The following FNBP1L variants were observed in gnomAD, a reference collection of about 807,000 sequenced individuals.
FNBP1L encodes formin binding protein 1 like.
Under a neutral mutation model 91.2 loss-of-function variants are expected in FNBP1L, and 36 were observed. That is an observed-to-expected ratio of 0.39 (90% CI 0.30 to 0.52). The LOEUF (loss-of-function observed/expected upper bound fraction) is 0.52, where lower values mean the gene tolerates loss of function less well. Ranked by LOEUF, FNBP1L falls within the 20% of genes least tolerant of loss-of-function variation. FNBP1L has a pLI of 0.66. For missense variants in FNBP1L, 571 were observed against 732.1 expected, an observed-to-expected ratio of 0.78 and a Z score of 2.54; for synonymous variants, 242 against 237.0, an observed-to-expected ratio of 1.02 and a Z score of -0.19.
chr1:93,498,427 TAATC>T (rs1670337741), intron 1 of FNBP1L, among the ~76,000 whole-genome samples: 1 of 152,210 alleles, frequency 6.6e-6, no homozygotes, highest in Admixed American at 6.5e-5. Context: ...AACCAGATGA[TAATC>T]AGAAAGTTTC....
intron 1 of FNBP1L, among the ~76,000 whole-genome samples, chr1:93,482,727 C>A (rs574497008): frequency 2.0e-5 from 3 of 152,024 alleles, no homozygotes; most frequent in African/African-American, 7.2e-5. Flanking sequence ...ACCCCTCTCT[C>A]TACAAAAAAT....
At chr1:93,449,252 G>T (rs1024959826) in intron 1 of FNBP1L, among the ~76,000 whole-genome samples, 17 of 152,076 alleles carry the variant, frequency 1.1e-4, no homozygotes, top group African/African-American at 4.1e-4. Context: ...GAAGGGTCGA[G>T]GTGTGGAGGG....
At chr1:93,513,542 C>T (rs1369152811) in intron 2 of FNBP1L, among the ~76,000 whole-genome samples, 2 of 150,808 alleles carry the variant, frequency 1.3e-5, no homozygotes, top group African/African-American at 4.9e-5. Context: ...CAAACCGAAT[C>T]CAGCAGCACA....
In FNBP1L at chr1:93,544,037, A is replaced by G; in HGVS notation, c.1165-70A>G. 4 of 1,098,412 alleles carry G rather than the reference A, an allele frequency of 3.6e-6. No homozygotes were observed. In the South Asian group the frequency reaches 5.3e-5, roughly 15 times the overall value. The allele number at this position is 1,098,412 out of a possible 1,614,324, so 68.0% of individuals were successfully genotyped here. ...TAAGATTGGTATGTATTCTTATTTTATAGCAGGTATATTTTAAAAATAAAA... is the reference window on the plus strand; with the variant it reads ...TAAGATTGGTATGTATTCTTATTTTGTAGCAGGTATATTTTAAAAATAAAA... On this transcript the variant is annotated intron_variant, in intron 11 of 16. Transcript: ENST00000271234.
At chr1:93,456,678 G>T (rs2101683993) in intron 1 of FNBP1L, among the ~76,000 whole-genome samples, 1 of 151,130 alleles carries the variant, frequency 6.6e-6, no homozygotes, top group Non-Finnish European at 1.5e-5. Context: ...TACTCAGGAG[G>T]CTGAGGCGGG....
chr1:93,514,961 T>G (rs1671028165), intron 2 of FNBP1L, among the ~76,000 whole-genome samples: 1 of 152,134 alleles, frequency 6.6e-6, no homozygotes, highest in Non-Finnish European at 1.5e-5. Context: ...CAAAAGAAAC[T>G]ACCATCAGAG....
intron 1 of FNBP1L, among the ~76,000 whole-genome samples, chr1:93,482,462 A>T (rs182850028): frequency 6.6e-6 from 1 of 152,136 alleles, no homozygotes; most frequent in Non-Finnish European, 1.5e-5. Context: ...TAAGTACTTC[A>T]TGTGCAGTAT....
Position 93,470,184 on chromosome 1 carries a change from G to C in FNBP1L, c.24+21879G>C, listed in dbSNP as rs572165806. Among the ~76,000 whole-genome samples the C allele has an allele frequency of 5.3e-5, 8 of 152,244 alleles. No individual in the cohort carries two copies. The South Asian group carries it at 1.5e-3, about 28-fold the overall frequency. On this transcript the variant is annotated intron_variant, in intron 1 of 16. Transcript: ENST00000271234. ...GTCTAGCTCTGTTGCCCAGGCTGGA[G>C]TATAGTGATGCTGTCATAGCACAGT...
chr1:93,448,766 G>C (rs1376179225), intron 1 of FNBP1L, among the ~76,000 whole-genome samples: 3 of 152,160 alleles, frequency 2.0e-5, no homozygotes, highest in Non-Finnish European at 4.4e-5. Flanking sequence ...TTCCTCGCCC[G>C]GGCCAGGTCC....
At chr1:93,504,623 A>C (rs953084637) in intron 2 of FNBP1L, among the ~76,000 whole-genome samples, 4 of 152,216 alleles carry the variant, frequency 2.6e-5, no homozygotes, top group African/African-American at 9.6e-5. Flanking sequence ...CCAGCAATAC[A>C]CAAAGCTTCC....
chr1:93,484,032 A>C (rs1477784797), intron 1 of FNBP1L, among the ~76,000 whole-genome samples: 1 of 152,146 alleles, frequency 6.6e-6, no homozygotes, highest in Non-Finnish European at 1.5e-5. Flanking sequence ...GGGTTCAAGC[A>C]ATTCTCCTGC....
intron 1 of FNBP1L, among the ~76,000 whole-genome samples, chr1:93,475,730 A>G (rs1406917171): frequency 1.3e-5 from 2 of 152,250 alleles, no homozygotes; most frequent in Admixed American, 6.5e-5. Context: ...AAAAACTGCT[A>G]TTCATAAGAA....
Position 93,452,620 on chromosome 1 carries a change from G to A in FNBP1L, c.24+4315G>A, listed in dbSNP as rs545480078. Among the ~76,000 whole-genome samples, 143 of 152,180 alleles carry A rather than the reference G, an allele frequency of 9.4e-4. 1 individual carries two copies. Among genetic ancestry groups the A allele is most frequent in the Admixed American group, 8.7e-3 (133 of 15,284 alleles). On this transcript the variant is annotated intron_variant, in intron 1 of 16. Coordinates refer to ENST00000271234, the MANE Select transcript of FNBP1L (RefSeq NM_001164473.3). ...TATATATGTATATTTTTAGAGATGGGGTCTTGCTATATTCTCAGGCCAGTC... is the reference window on the plus strand; with the variant it reads ...TATATATGTATATTTTTAGAGATGGAGTCTTGCTATATTCTCAGGCCAGTC...
intron 1 of FNBP1L, among the ~76,000 whole-genome samples, chr1:93,484,338 T>G (rs1669822833): frequency 6.6e-6 from 1 of 152,166 alleles, no homozygotes. Flanking sequence ...ACTTAAACAT[T>G]GCAGTCACCA....
Position 93,552,651 on chromosome 1 carries a change from CCAA to C in FNBP1L, c.*239_*241del. On this transcript the variant is annotated 3_prime_UTR_variant, in exon 17 of 17. Transcript: ENST00000271234. ...ACAGTTATTCCCACAAAAGAAAAAG[CCAA>C]CAATAGTGTACCATTTTTCTATTTA... 4.8e-6 allele frequency: 2 copies of C among 419,186 alleles called. No homozygotes were observed. The highest frequency in any genetic ancestry group is 4.2e-6 in the Non-Finnish European group (1 of 237,682). The allele number at this position is 419,186 out of a possible 1,614,324, so 26.0% of individuals were successfully genotyped here.
chr1:93,541,675 A>C (rs1347456489), intron 11 of FNBP1L, among the ~76,000 whole-genome samples: 1 of 152,108 alleles, frequency 6.6e-6, no homozygotes, highest in Non-Finnish European at 1.5e-5. Flanking sequence ...TACATTAGGA[A>C]CTAACCCCAA....
chr1:93,546,933 A>G lies in FNBP1L; in HGVS notation c.1366A>G (p.Asn456Asp). 1 of 1,612,936 alleles carries G rather than the reference A, an allele frequency of 6.2e-7. No individual in the cohort carries two copies. Among genetic ancestry groups the G allele is most frequent in the Non-Finnish European group, 8.5e-7 (1 of 1,179,418 alleles). Residue 456 changes from asparagine to aspartate, a missense_variant, in exon 13 of 17, where the codon AAT (asparagine) becomes GAT (aspartate). Coordinates refer to ENST00000271234, the MANE Select transcript of FNBP1L (RefSeq NM_001164473.3). ...GCAGCCTAAATTAGCAGAGACCATGAATAACATTGACCGCCTACGAATGGA... is the reference window on the plus strand; with the variant it reads ...GCAGCCTAAATTAGCAGAGACCATGGATAACATTGACCGCCTACGAATGGA... ...SLQPKLAETM[N>D]NIDRLRMEIH...
intron 2 of FNBP1L, among the ~76,000 whole-genome samples, chr1:93,513,464 C>T (rs1478402062): frequency 3.3e-5 from 5 of 151,992 alleles, no homozygotes; most frequent in African/African-American, 4.8e-5. Flanking sequence ...GAGACACAAC[C>T]AGAAAAGAGA....
chr1:93,521,626 G>T (rs890084487), intron 2 of FNBP1L, among the ~76,000 whole-genome samples: 3 of 152,094 alleles, frequency 2.0e-5, no homozygotes, highest in African/African-American at 7.2e-5. Context: ...GCCTAATACA[G>T]TGTAAATGCT....
Sources: gnomAD v4.1 joint callset for allele counts (sites outside exome capture counted in the v4.1 genomes callset) on GRCh38, gnomAD v4.1.1 for gene constraint, MANE v1.5 for transcripts, NCBI Gene and HGNC (gene_info 2026-07-23, HGNC 2026-07-21) for gene names.